The following BRINP1 variants were observed in gnomAD, a reference collection of about 807,000 sequenced individuals.
The protein encoded by BRINP1 is BMP/retinoic acid inducible neural specific 1.
BRINP1 carries 17 observed loss-of-function variants against 72.9 expected under a neutral mutation model. The observed-to-expected ratio is 0.23, with a 90% confidence interval of 0.16 to 0.35. The LOEUF (loss-of-function observed/expected upper bound fraction) is 0.35, where lower values mean the gene tolerates loss of function less well. Ranked by LOEUF, BRINP1 falls within the 10% of genes least tolerant of loss-of-function variation. The pLI is 1.00. For synonymous variants in BRINP1, 418 were observed against 378.5 expected, an observed-to-expected ratio of 1.10 and a Z score of -1.21; for missense variants, 850 against 1,001.6, an observed-to-expected ratio of 0.85 and a Z score of 2.04.
intron 7 of BRINP1, among the ~76,000 whole-genome samples, chr9:119,185,516 A>G (rs1198885559): frequency 1.3e-5 from 2 of 152,166 alleles, no homozygotes; most frequent in Non-Finnish European, 2.9e-5. Context: ...GGTGGCTAAC[A>G]CTCGTTGCCC....
intron 7 of BRINP1, among the ~76,000 whole-genome samples, chr9:119,182,100 A>G (rs1829564033): frequency 6.6e-6 from 1 of 152,358 alleles, no homozygotes; most frequent in East Asian, 1.9e-4. Context: ...ATGCTGCTGG[A>G]TCAGTTGAAT....
chr9:119,227,776 G>A (rs1321119923), intron 5 of BRINP1, among the ~76,000 whole-genome samples: 1 of 151,912 alleles, frequency 6.6e-6, no homozygotes, highest in Non-Finnish European at 1.5e-5. Context: ...ATGGGCGTGT[G>A]GGAGAGGAGG....
chr9:119,358,618 C>T lies in BRINP1; in HGVS notation c.-51+10438G>A, dbSNP rs939870352. Among the ~76,000 whole-genome samples, 33 of 152,080 alleles carry T rather than the reference C, an allele frequency of 2.2e-4. 1 individual carries two copies. Among genetic ancestry groups the T allele is most frequent in the East Asian group, 1.9e-4 (1 of 5,188 alleles). Reference sequence around the variant, plus strand: ...CTGAGGCAGGAGAATCACTTGAATCCGGAAGGCGGAGGTTGCAGTGAGCTG... The same window carrying T: ...CTGAGGCAGGAGAATCACTTGAATCTGGAAGGCGGAGGTTGCAGTGAGCTG... On this transcript the variant is annotated intron_variant, in intron 1 of 7. Coordinates refer to ENST00000265922, the MANE Select transcript of BRINP1 (RefSeq NM_014618.3).
chr9:119,239,101 G>T (rs1192878991), intron 4 of BRINP1, among the ~76,000 whole-genome samples: 1 of 152,142 alleles, frequency 6.6e-6, no homozygotes, highest in African/African-American at 2.4e-5. Flanking sequence ...ATCCTGCCTA[G>T]GCCATGTATT....
rs142894245 is a variant in BRINP1 at position 119,208,818 on chromosome 9, G to A, written c.1046C>T (p.Thr349Met). 3,340 of 1,614,190 alleles carry A rather than the reference G, an allele frequency of 2.1e-3. 18 individuals are homozygous for A. Among genetic ancestry groups the A allele is most frequent in the South Asian group, 3.2e-3 (289 of 91,080 alleles). Residue 349 changes from threonine (T) to methionine (M), a missense_variant, in exon 7 of 8, where the codon ACG becomes ATG. Transcript: ENST00000265922. ...TTGGATCTTTTGTCTCTGTGCCTCC[G>A]TGGCACTCTGCAGGAGCTTGTAGCG... ...QNRYKLLQSA[T>M]EAQRQKIQRT...
intron 2 of BRINP1, among the ~76,000 whole-genome samples, chr9:119,249,854 G>GGAAGGAA (rs1564228551): frequency 1.4e-5 from 1 of 73,548 alleles, no homozygotes; most frequent in Non-Finnish European, 2.6e-5. Context: ...AAGGAAGGAA[G>GGAAGGAA]GGAGGGAGGG....
At chr9:119,290,557 G>A (rs1259326236) in intron 2 of BRINP1, among the ~76,000 whole-genome samples, 2 of 152,132 alleles carry the variant, frequency 1.3e-5, no homozygotes, top group Admixed American at 1.3e-4. Flanking sequence ...TAATGGAAAT[G>A]CATTTGGCAG....
intron 7 of BRINP1, among the ~76,000 whole-genome samples, chr9:119,191,003 T>C (rs1397229822): frequency 1.3e-5 from 2 of 152,034 alleles, no homozygotes; most frequent in South Asian, 2.1e-4. Flanking sequence ...ATAAGTGTCA[T>C]GTATCACATT....
At chr9:119,247,353 G>C (rs1210366791) in intron 3 of BRINP1, among the ~76,000 whole-genome samples, 2 of 151,962 alleles carry the variant, frequency 1.3e-5, no homozygotes, top group African/African-American at 4.8e-5. Context: ...AAGTGAGTTG[G>C]TTAAAGAGAT....
chr9:119,271,848 A>G (rs1202202011), intron 2 of BRINP1, among the ~76,000 whole-genome samples: 1 of 151,942 alleles, frequency 6.6e-6, no homozygotes, highest in African/African-American at 2.4e-5. Flanking sequence ...TTGAGAGGAT[A>G]CTGAAACTAC....
chr9:119,229,199 T>C (rs1273592986), intron 5 of BRINP1, among the ~76,000 whole-genome samples: 1 of 152,102 alleles, frequency 6.6e-6, no homozygotes, highest in Non-Finnish European at 1.5e-5. Context: ...ATTCAGCATA[T>C]ATTTAATGAG....
intron 2 of BRINP1, among the ~76,000 whole-genome samples, chr9:119,285,615 G>C (rs917411869): frequency 5.9e-5 from 9 of 152,162 alleles, no homozygotes; most frequent in Admixed American, 1.3e-4. Flanking sequence ...TCAAAGTCTT[G>C]TACTTAGGGA....
At chr9:119,249,864 GA>G (rs1830363071) in intron 2 of BRINP1, among the ~76,000 whole-genome samples, 1 of 52,530 alleles carries the variant, frequency 1.9e-5, no homozygotes, top group Non-Finnish European at 3.9e-5. Context: ...GGGAGGGAGG[GA>G]GGGAGGGAGG....
chr9:119,248,390 G>T (rs1830344924), intron 3 of BRINP1, among the ~76,000 whole-genome samples: 1 of 152,178 alleles, frequency 6.6e-6, no homozygotes, highest in African/African-American at 2.4e-5. Flanking sequence ...CATTGTCTTT[G>T]CATTTATTTC....
At chr9:119,168,323 A>G (rs1340886441) in intron 7 of BRINP1, 99 bp from the exon 8 acceptor site, 8 of 955,742 alleles carry the variant, frequency 8.4e-6, no homozygotes, top group African/African-American at 1.7e-5. Flanking sequence ...TGCCAAAAAG[A>G]TGAAAGGACT....
chr9:119,281,439 G>A (rs1830710757), intron 2 of BRINP1, among the ~76,000 whole-genome samples: 1 of 149,806 alleles, frequency 6.7e-6, no homozygotes, highest in Admixed American at 6.7e-5. Context: ...GGGAGGGAGG[G>A]TGGGAGAGAC....
chr9:119,175,858 T>G (rs1173533919), intron 7 of BRINP1, among the ~76,000 whole-genome samples: 3 of 152,174 alleles, frequency 2.0e-5, no homozygotes, highest in Non-Finnish European at 4.4e-5. Context: ...CAGGGTATAT[T>G]CACTCCAATT....
intron 1 of BRINP1, among the ~76,000 whole-genome samples, chr9:119,339,202 G>A (rs181482289): frequency 6.6e-6 from 1 of 152,306 alleles, no homozygotes; most frequent in East Asian, 1.9e-4. Flanking sequence ...CTCTATCACT[G>A]TAGCCAGAAA....
chr9:119,222,017 T>C (rs748100725), intron 5 of BRINP1, among the ~76,000 whole-genome samples: 1 of 152,100 alleles, frequency 6.6e-6, no homozygotes, highest in Non-Finnish European at 1.5e-5. Context: ...ATCCCCACTC[T>C]CCAAACTTAA....
Sources: gnomAD v4.1 joint callset for allele counts (sites outside exome capture counted in the v4.1 genomes callset) on GRCh38, gnomAD v4.1.1 for gene constraint, MANE v1.5 for transcripts, NCBI Gene and HGNC (gene_info 2026-07-23, HGNC 2026-07-21) for gene names.